Variants in ITGB8 observed in about 807,000 individuals in gnomAD.
The protein encoded by ITGB8 is integrin subunit beta 8.
In ITGB8, 30 loss-of-function variants were observed where a neutral mutation model predicts 89.5. The ratio of observed to expected loss-of-function variants is 0.34; its 90% confidence interval spans 0.25 to 0.45. ITGB8 has a LOEUF of 0.45. ITGB8 is among the 20% of genes least tolerant of loss of function. The pLI is 1.00. For missense variants in ITGB8, 836 were observed against 933.3 expected, an observed-to-expected ratio of 0.90 and a Z score of 1.36; for synonymous variants, 335 against 320.4, an observed-to-expected ratio of 1.05 and a Z score of -0.49.
intron 8 of ITGB8, among the ~76,000 whole-genome samples, chr7:20,395,622 A>T (rs946509749): frequency 6.6e-6 from 1 of 152,202 alleles, no homozygotes; most frequent in Non-Finnish European, 1.5e-5. Context: ...GTCATTCCTG[A>T]ATAGAACCAC....
chr7:20,337,107 A>G (rs1784601691), intron 1 of ITGB8, among the ~76,000 whole-genome samples: 1 of 152,168 alleles, frequency 6.6e-6, no homozygotes. Context: ...TTATTTTTCA[A>G]AGTCTGTCTT....
intron 6 of ITGB8, among the ~76,000 whole-genome samples, chr7:20,382,555 C>T (rs957563556): frequency 6.6e-6 from 1 of 152,182 alleles, no homozygotes. Flanking sequence ...GATGTTGACA[C>T]TTATTTATAT....
chr7:20,345,371 T>G (rs527970204), intron 1 of ITGB8, among the ~76,000 whole-genome samples: 70 of 133,654 alleles, frequency 5.2e-4, no homozygotes, highest in African/African-American at 1.9e-3. Flanking sequence ...AGTCTTATAT[T>G]TTGGAGGAGG....
intron 1 of ITGB8, among the ~76,000 whole-genome samples, chr7:20,338,636 A>G (rs556339951): frequency 9.9e-5 from 15 of 152,262 alleles, no homozygotes; most frequent in Admixed American, 9.2e-4. Flanking sequence ...TCAAAAATAG[A>G]TAAATAAATA....
intron 1 of ITGB8, among the ~76,000 whole-genome samples, chr7:20,340,140 T>C (rs1433293590): frequency 6.6e-6 from 1 of 152,254 alleles, no homozygotes; most frequent in Non-Finnish European, 1.5e-5. Flanking sequence ...ATAATGGTTT[T>C]AGACGTGCGC....
intron 12 of ITGB8, among the ~76,000 whole-genome samples, chr7:20,407,019 G>A (rs1421046191): frequency 6.6e-6 from 1 of 152,146 alleles, no homozygotes; most frequent in Non-Finnish European, 1.5e-5. Flanking sequence ...TAGACATGAG[G>A]AAGTTCAGAA....
chr7:20,391,532 T>G (rs767836938), intron 7 of ITGB8, 34 bp downstream of exon 7: 1 of 1,168,120 alleles, frequency 8.6e-7, no homozygotes, highest in South Asian at 1.4e-5. Context: ...AAATTAAATT[T>G]TTTTCATTGG....
At chr7:20,344,836 C>T (rs1403148772) in intron 1 of ITGB8, among the ~76,000 whole-genome samples, 1 of 152,170 alleles carries the variant, frequency 6.6e-6, no homozygotes, top group Non-Finnish European at 1.5e-5. Context: ...ACCCATTCAT[C>T]CTCTCCTTCA....
chr7:20,331,224 C>A lies in ITGB8; in HGVS notation c.-583C>A, dbSNP rs1219126618. The A allele has an allele frequency of 1.8e-5, 4 of 228,486 alleles. No homozygotes were observed. Among genetic ancestry groups the A allele is most frequent in the African/African-American group, 4.5e-5 (2 of 44,438 alleles). 14.2% of individuals were successfully genotyped at this position (228,486 alleles called of 1,614,324 possible). On this transcript the variant is annotated 5_prime_UTR_variant, in exon 1 of 14. Transcript: ENST00000222573. ...GCCCGCTGCTCCGCAGACGGGGCTG[C>A]AAAGCTGCAACTAATGGTGTTGGCC... is the stretch of plus-strand genomic sequence containing the variant.
intron 7 of ITGB8, among the ~76,000 whole-genome samples, chr7:20,393,737 C>T (rs1394370389): frequency 6.6e-6 from 1 of 152,140 alleles, no homozygotes; most frequent in African/African-American, 2.4e-5. Context: ...GTTCTTGCTG[C>T]CCACCCTCGC....
intron 1 of ITGB8, among the ~76,000 whole-genome samples, chr7:20,351,324 C>T (rs1785106075): frequency 6.6e-6 from 1 of 152,198 alleles, no homozygotes; most frequent in South Asian, 2.1e-4. Flanking sequence ...AAGGTTCTGT[C>T]ATCAGAACTG....
At chr7:20,335,593 C>T (rs7785273) in intron 1 of ITGB8, among the ~76,000 whole-genome samples, 38,386 of 152,022 alleles carry the variant, frequency 0.25, 5,474 homozygotes, top group Non-Finnish European at 0.32. Context: ...GTGGCAAAAC[C>T]TTTTTATCTC....
intron 6 of ITGB8, among the ~76,000 whole-genome samples, chr7:20,385,583 G>C (rs74322274): frequency 0.01 from 1,536 of 152,290 alleles, 27 homozygotes; most frequent in African/African-American, 0.035. Context: ...AGGCCTATCA[G>C]GCATTAAACA....
intron 11 of ITGB8, among the ~76,000 whole-genome samples, chr7:20,405,512 G>T (rs1460197294): frequency 1.3e-5 from 2 of 151,052 alleles, no homozygotes; most frequent in Non-Finnish European, 2.9e-5. Flanking sequence ...TAGAGACGGG[G>T]TTTCACCGTG....
In ITGB8 at chr7:20,371,732, C is replaced by G. The variant is rs185455724; in HGVS notation, c.388+4546C>G. Reference sequence around the variant, plus strand: ...TGCAGTTTTTTAAAACACATCTTCACTGAAACTTATTATGCATGTATCTTT... The same window carrying G: ...TGCAGTTTTTTAAAACACATCTTCAGTGAAACTTATTATGCATGTATCTTT... On this transcript the variant is annotated intron_variant, in intron 3 of 13. Coordinates refer to ENST00000222573, the MANE Select transcript of ITGB8 (RefSeq NM_002214.3). 2.6e-4 allele frequency among the ~76,000 whole-genome samples: 40 copies of G among 152,292 alleles called. No homozygotes were observed. In the East Asian group the frequency reaches 5.4e-3, roughly 21 times the overall value.
intron 3 of ITGB8, among the ~76,000 whole-genome samples, chr7:20,367,981 T>C (rs539792596): frequency 4.1e-4 from 62 of 152,332 alleles, no homozygotes; most frequent in Admixed American, 2.9e-3. Flanking sequence ...CAGTTCACAA[T>C]TGTATCCAAT....
intron 1 of ITGB8, among the ~76,000 whole-genome samples, chr7:20,345,734 C>T (rs1784901591): frequency 6.6e-6 from 1 of 152,028 alleles, no homozygotes; most frequent in South Asian, 2.1e-4. Context: ...GGTGGTCAGA[C>T]AGGGTGATAT....
At chr7:20,388,879 A>ATGCG (rs1786740790) in intron 6 of ITGB8, among the ~76,000 whole-genome samples, 2 of 152,232 alleles carry the variant, frequency 1.3e-5, no homozygotes, top group South Asian at 4.1e-4. Flanking sequence ...GAGTGAGAAC[A>ATGCG]TGCGGTGTTT....
intron 1 of ITGB8, among the ~76,000 whole-genome samples, chr7:20,353,887 G>A (rs1037123951): frequency 5.2e-5 from 6 of 115,024 alleles, no homozygotes; most frequent in Admixed American, 1.2e-4. Context: ...AGCCGAGATC[G>A]CGCCACTGCA....
Sources: gnomAD v4.1 joint callset for allele counts (sites outside exome capture counted in the v4.1 genomes callset) on GRCh38, gnomAD v4.1.1 for gene constraint, MANE v1.5 for transcripts, NCBI Gene and HGNC (gene_info 2026-07-23, HGNC 2026-07-21) for gene names.